Variants in EPHA6 observed in about 807,000 individuals in gnomAD.
EPHA6 encodes EPH receptor A6, also known as ephrin type-A receptor 6.
EPHA6 carries 50 observed loss-of-function variants against 112.0 expected under a neutral mutation model. The ratio of observed to expected loss-of-function variants is 0.45; its 90% CI spans 0.36 to 0.56. The LOEUF (loss-of-function observed/expected upper bound fraction) is 0.56, where lower values mean the gene tolerates loss of function less well. Among genes scored for constraint, EPHA6 ranks in the 20% least tolerant of loss-of-function variants. The pLI is 0.00. For missense variants in EPHA6, 1,280 were observed against 1,417.4 expected (o/e 0.90, Z 1.56); for synonymous variants, 529 against 490.7 (o/e 1.08, Z -1.03).
rs1206754660 is a variant in EPHA6 at position 96,888,862 on chromosome 3, TC to T, written c.450+21974del. Among the ~76,000 whole-genome samples the T allele has an allele frequency of 2.0e-5, 3 of 152,318 alleles. No individual in the cohort carries two copies. The East Asian group carries it at 5.8e-4, about 29-fold the overall frequency. The stretch of plus-strand genomic sequence containing the variant: ...CTCCTCAGAAAACAGGATTTTCTTT[TC>T]TATCACATTGTCAGGCTAAAAATTT... On this transcript the variant is annotated intron_variant, in intron 2 of 17. Transcript: ENST00000389672.
rs183050359 is a variant in EPHA6, at chr3:97,258,990, T to A, written c.1606+14703T>A. On this transcript the variant is annotated intron_variant, in intron 5 of 17. Coordinates refer to ENST00000389672, the MANE Select transcript of EPHA6 (RefSeq NM_001080448.3). ...CTCTCTTAAAATCCTATTTTAACTTTCCATACATACAGGTCCTGCTAGAGG... is the reference window on the plus strand; with the variant it reads ...CTCTCTTAAAATCCTATTTTAACTTACCATACATACAGGTCCTGCTAGAGG... Among the ~76,000 whole-genome samples the A allele has an allele frequency of 6.5e-4, 99 of 152,312 alleles. 1 individual carries two copies. The highest frequency in any genetic ancestry group is 2.3e-3 in the African/African-American group (96 of 41,582).
In EPHA6 at chr3:97,365,018, G is replaced by A. The variant is rs73133059; in HGVS notation, c.1607-40132G>A. ...ATCCAAAGGAATAGGAGAATTGCAT[G>A]TTAACAAAACACATTATCAATAACT... On this transcript the variant is annotated intron_variant, in intron 5 of 17. Transcript: ENST00000389672. 5.7e-3 allele frequency among the ~76,000 whole-genome samples: 862 copies of A among 152,220 alleles called. 4 individuals carry two copies. The highest frequency in any genetic ancestry group is 0.01 in the Middle Eastern group (3 of 294).
At chr3:96,999,417 C>T (rs1039625927) in intron 3 of EPHA6, among the ~76,000 whole-genome samples, 7 of 151,884 alleles carry the variant, frequency 4.6e-5, no homozygotes, top group African/African-American at 7.2e-5. Context: ...CTCTTAAAGC[C>T]TTGTAGTTGT....
intron 2 of EPHA6, among the ~76,000 whole-genome samples, chr3:96,977,091 G>A (rs1395224409): frequency 6.6e-6 from 1 of 152,164 alleles, no homozygotes; most frequent in African/African-American, 2.4e-5. Context: ...GCTCTCTATA[G>A]GCCACTACAT....
At chr3:97,259,802 C>CT (rs1559834314) in intron 5 of EPHA6, among the ~76,000 whole-genome samples, 3 of 141,058 alleles carry the variant, frequency 2.1e-5, no homozygotes, top group African/African-American at 9.1e-5. Flanking sequence ...AGAAAGTATA[C>CT]CTTTTTTTTT....
At chr3:97,524,572 C>A (rs189105806) in intron 10 of EPHA6, among the ~76,000 whole-genome samples, 1 of 152,008 alleles carries the variant, frequency 6.6e-6, no homozygotes, top group Admixed American at 6.6e-5. Flanking sequence ...TAGTAGTAAG[C>A]TTTATACTTC....
chr3:96,917,574 C>G (rs2039551155), intron 2 of EPHA6, among the ~76,000 whole-genome samples: 1 of 151,998 alleles, frequency 6.6e-6, no homozygotes, highest in African/African-American at 2.4e-5. Context: ...TGAGCCTGCT[C>G]CCATGCACAG....
chr3:97,206,271 G>A (rs963072996), intron 3 of EPHA6, among the ~76,000 whole-genome samples: 2 of 151,648 alleles, frequency 1.3e-5, no homozygotes, highest in East Asian at 1.9e-4. Flanking sequence ...CTTTTCTCAC[G>A]CTTCTTTAAT....
intron 3 of EPHA6, among the ~76,000 whole-genome samples, chr3:97,151,886 A>G (rs1247176602): frequency 6.6e-6 from 1 of 151,968 alleles, no homozygotes; most frequent in Non-Finnish European, 1.5e-5. Flanking sequence ...TATGTATCGT[A>G]GTAATTATAT....
At chr3:97,620,759 A>G (rs2093807428) in intron 13 of EPHA6, among the ~76,000 whole-genome samples, 1 of 152,058 alleles carries the variant, frequency 6.6e-6, no homozygotes, top group Non-Finnish European at 1.5e-5. Flanking sequence ...AAAATCAAAC[A>G]TTAATAGATG....
chr3:97,153,086 CA>C, intron 3 of EPHA6, among the ~76,000 whole-genome samples: 1 of 152,046 alleles, frequency 6.6e-6, no homozygotes, highest in East Asian at 1.9e-4. Flanking sequence ...CTCCAGCATA[CA>C]AAAAGAAAGA....
chr3:96,921,149 C>CA (rs1159390505), intron 2 of EPHA6, among the ~76,000 whole-genome samples: 1 of 151,946 alleles, frequency 6.6e-6, no homozygotes, highest in African/African-American at 2.4e-5. Context: ...AGCAAAAACT[C>CA]AATTATGGTA....
intron 5 of EPHA6, 70 bp downstream of exon 5, chr3:97,244,357 C>T: frequency 7.5e-7 from 1 of 1,336,244 alleles, no homozygotes; most frequent in Non-Finnish European, 1.1e-6. Context: ...CCCTCATGGG[C>T]ATGTATTTAT....
intron 11 of EPHA6, among the ~76,000 whole-genome samples, chr3:97,549,607 AC>A (rs2093002471): frequency 6.6e-6 from 1 of 152,098 alleles, no homozygotes; most frequent in African/African-American, 2.4e-5. Flanking sequence ...CTCTCTCAGA[AC>A]CCTGATCATC....
At chr3:97,310,077 G>GTT (rs2081485629) in intron 5 of EPHA6, among the ~76,000 whole-genome samples, 2 of 151,176 alleles carry the variant, frequency 1.3e-5, no homozygotes, top group Non-Finnish European at 3.0e-5. Context: ...AACTCTTTTG[G>GTT]TTAAAAGACT....
intron 2 of EPHA6, among the ~76,000 whole-genome samples, chr3:96,891,076 G>T (rs2037931621): frequency 6.6e-6 from 1 of 152,058 alleles, no homozygotes; most frequent in South Asian, 2.1e-4. Flanking sequence ...CAGAGTGAAA[G>T]AGACTCCATC....
intron 3 of EPHA6, among the ~76,000 whole-genome samples, chr3:97,054,977 T>G (rs971140967): frequency 6.6e-6 from 1 of 152,248 alleles, no homozygotes; most frequent in African/African-American, 2.4e-5. Flanking sequence ...TGGGAAATAA[T>G]GAAGATGATT....
intron 14 of EPHA6, among the ~76,000 whole-genome samples, chr3:97,692,988 A>G (rs1297686214): frequency 1.3e-5 from 2 of 152,204 alleles, no homozygotes; most frequent in Admixed American, 1.3e-4. Context: ...GTCAGCTGTA[A>G]TGTTTACATT....
intron 10 of EPHA6, among the ~76,000 whole-genome samples, chr3:97,508,931 G>T (rs1262966909): frequency 5.6e-5 from 5 of 89,560 alleles, no homozygotes; most frequent in African/African-American, 1.6e-4. Context: ...TGTCTTTTTT[G>T]ATTTTTGTTG....
Sources: allele counts gnomAD v4.1 joint callset (sites outside exome capture counted in the v4.1 genomes callset), GRCh38; gene constraint gnomAD v4.1.1; transcripts MANE v1.5; gene names NCBI Gene and HGNC (gene_info 2026-07-23, HGNC 2026-07-21).